Variants in NBN observed in about 807,000 individuals in gnomAD.
NBN encodes Nijmegen breakage syndrome 1 (nibrin).
NBN carries 88 observed loss-of-function variants against 90.8 expected under a neutral mutation model. That is an observed-to-expected ratio of 0.97 (90% CI 0.82 to 1.16). The LOEUF (loss-of-function observed/expected upper bound fraction) is 1.16, where lower values mean the gene tolerates loss of function less well. Ranked by LOEUF, NBN falls within the 50% of genes most tolerant of loss-of-function variation. The pLI is 0.00. For synonymous variants in NBN, 328 were observed against 295.1 expected (o/e 1.11, Z -1.14); for missense variants, 894 against 869.6 (o/e 1.03, Z -0.35).
chr8:89,974,901 T>C (rs1586094788), intron 5 of NBN, among the ~76,000 whole-genome samples: 1 of 152,122 alleles, frequency 6.6e-6, no homozygotes, highest in Non-Finnish European at 1.5e-5. Context: ...CTCTCAAGAG[T>C]GTCTCACTAA....
rs946173840 is a variant in NBN at position 89,954,950 on chromosome 8, T to A, written c.1397+333A>T. 7.9e-5 allele frequency among the ~76,000 whole-genome samples: 12 copies of A among 152,168 alleles called. No individual in the cohort carries two copies. The South Asian group carries it at 1.0e-3, about 13-fold the overall frequency. On this transcript the variant is annotated intron_variant, in intron 10 of 15. Coordinates refer to ENST00000265433, the MANE Select transcript of NBN (RefSeq NM_002485.5). ...ATATGGAAATTGAGAAAATAATTGA[T>A]GGAATATGGTCCTAGAGGGAGTGAG...
Position 89,937,047 on chromosome 8 carries a change from G to C in NBN, c.2213C>G (p.Ser738Cys). 1 of 1,612,312 alleles carries C rather than the reference G, an allele frequency of 6.2e-7. No homozygotes were observed. Among genetic ancestry groups the C allele is most frequent in the Non-Finnish European group, 8.5e-7 (1 of 1,178,984 alleles). The change falls in exon 15 of 16, where the codon TCT becomes TGT. Residue 738 changes from serine to cysteine, a missense_variant. By Grantham distance (112) the Ser-to-Cys change is moderately radical. Transcript: ENST00000265433. ...EVQNQHAKEE[S>C]LADDLFRYNP... The stretch of plus-strand genomic sequence containing the variant: ...TTACCTAAAAAGATCATCAGCAAGA[G>C]ACTCTTCTTTTGCATGTTGATTTTG...
chr8:89,948,559 A>T (rs1393144777), intron 11 of NBN, among the ~76,000 whole-genome samples: 1 of 151,464 alleles, frequency 6.6e-6, no homozygotes, highest in Non-Finnish European at 1.5e-5. Context: ...ATGGGTAATG[A>T]TTTCAGTAAA....
At chr8:89,965,637 G>A (rs1036819587) in intron 7 of NBN, among the ~76,000 whole-genome samples, 3 of 151,856 alleles carry the variant, frequency 2.0e-5, no homozygotes, top group Non-Finnish European at 2.9e-5. Flanking sequence ...CCACAGGCGC[G>A]CACCAACACA....
intron 3 of NBN, 82 bp downstream of exon 3, chr8:89,981,293 C>T: frequency 2.1e-6 from 3 of 1,421,662 alleles, no homozygotes; most frequent in Non-Finnish European, 2.0e-6. Flanking sequence ...GTTTTAAATT[C>T]ATTAATCAGA....
Position 89,982,805 on chromosome 8 carries a change from T to G in NBN, c.88A>C (p.Asn30His), listed in dbSNP as rs2129925520. ...TGVEYVVGRK[N>H]CAILIENDQS... ...TCATTTTCAATCAGAATGGCACAGTTTTTCCTTCCAACAACGTACTCAACG... is the reference window on the plus strand; with the variant it reads ...TCATTTTCAATCAGAATGGCACAGTGTTTCCTTCCAACAACGTACTCAACG... Residue 30 changes from asparagine to histidine, a missense_variant, in exon 2 of 16, where the codon AAC becomes CAC. By Grantham distance (68) the Asn-to-His change is moderately conservative. Coordinates refer to ENST00000265433, the MANE Select transcript of NBN (RefSeq NM_002485.5). The G allele has an allele frequency of 6.2e-7, 1 of 1,613,726 alleles. No individual in the cohort carries two copies. The highest frequency in any genetic ancestry group is 1.7e-5 in the Admixed American group (1 of 60,022).
At chr8:89,947,927 A>G in intron 11 of NBN, 35 bp from the exon 12 acceptor site, 5 of 1,284,182 alleles carry the variant, frequency 3.9e-6, no homozygotes, top group Non-Finnish European at 5.5e-6. Flanking sequence ...TGTTCATAGG[A>G]GTAATAAAAT....
At chr8:89,967,329 C>T (rs1586080994) in intron 7 of NBN, among the ~76,000 whole-genome samples, 1 of 152,164 alleles carries the variant, frequency 6.6e-6, no homozygotes, top group East Asian at 1.9e-4. Context: ...TGGCCACCCA[C>T]AACTGTAAAC....
chr8:89,974,615 A>G (rs951388958), intron 5 of NBN, among the ~76,000 whole-genome samples: 5 of 152,160 alleles, frequency 3.3e-5, no homozygotes, highest in Non-Finnish European at 7.4e-5. Context: ...CAAGTCCCAT[A>G]GGGAAGACGT....
chr8:89,964,732 G>A (rs759993070), intron 7 of NBN, among the ~76,000 whole-genome samples: 12 of 151,418 alleles, frequency 7.9e-5, no homozygotes, highest in Non-Finnish European at 1.8e-4. Flanking sequence ...GTAAAATAAG[G>A]GGCTAAAGAA....
chr8:89,958,196 C>T (rs1263877415), intron 9 of NBN, among the ~76,000 whole-genome samples: 2 of 152,166 alleles, frequency 1.3e-5, no homozygotes, highest in Admixed American at 6.5e-5. Flanking sequence ...GGAGCAGCTG[C>T]AAATAAAGAT....
At chr8:89,944,801 G>A (rs900010309) in intron 13 of NBN, among the ~76,000 whole-genome samples, 2 of 151,996 alleles carry the variant, frequency 1.3e-5, no homozygotes, top group Admixed American at 6.6e-5. Flanking sequence ...GGCTGGTCTC[G>A]AACTCCTGGG....
At chr8:89,960,548 A>G (rs1183869931) in intron 8 of NBN, among the ~76,000 whole-genome samples, 1 of 152,062 alleles carries the variant, frequency 6.6e-6, no homozygotes, top group Non-Finnish European at 1.5e-5. Flanking sequence ...GCTACTCAGG[A>G]GGGTGAGGCA....
intron 2 of NBN, 170 bp from the exon 3 acceptor site, chr8:89,981,693 A>G (rs1426373806): frequency 2.9e-6 from 2 of 691,650 alleles, no homozygotes; most frequent in Non-Finnish European, 4.7e-6. Context: ...CTAACAATTC[A>G]TATTTCCCCT....
chr8:89,971,357 G>A, intron 5 of NBN, 67 bp from the exon 6 acceptor site: 1 of 1,519,780 alleles, frequency 6.6e-7, no homozygotes, highest in Non-Finnish European at 8.9e-7. Flanking sequence ...TGTAAACGGA[G>A]TGACTATCTG....
Position 89,964,466 on chromosome 8 carries a change from G to A in NBN, c.938C>T (p.Ala313Val), listed in dbSNP as rs730881862. The A allele has an allele frequency of 1.7e-5, 27 of 1,611,886 alleles. No individual in the cohort carries two copies. The highest frequency in any genetic ancestry group is 8.3e-5 in the Admixed American group (5 of 59,988). Reference sequence around the variant, plus strand: ...ATTCTTTGTAGTCATGAAAATCACCGCCAATCCAATTTCTGCTTCAGGAAT... The same window carrying A: ...ATTCTTTGTAGTCATGAAAATCACCACCAATCCAATTTCTGCTTCAGGAAT... Reference protein sequence around the residue: ...RPIPEAEIGLAVIFMTTKNYC... With the variant: ...RPIPEAEIGLVVIFMTTKNYC... The change falls in exon 8 of 16, where the codon GCG becomes GTG. Residue 313 changes from alanine (A) to valine (V), a missense_variant. Physicochemically the swap from Ala to Val is moderately conservative, Grantham distance 64. Coordinates refer to ENST00000265433, the MANE Select transcript of NBN (RefSeq NM_002485.5).
chr8:89,984,160 T>C (rs778960116), intron 1 of NBN: 3 of 415,098 alleles, frequency 7.2e-6, no homozygotes, highest in Non-Finnish European at 1.3e-5. Flanking sequence ...GGTCCGCCCA[T>C]GCTAACTTCC....
intron 2 of NBN, among the ~76,000 whole-genome samples, chr8:89,982,247 T>C (rs1231108463): frequency 6.6e-6 from 1 of 152,116 alleles, no homozygotes; most frequent in East Asian, 1.9e-4. Flanking sequence ...TCAATTCCCA[T>C]TGCAAAAACT....
chr8:89,964,507 C>T lies in NBN; in HGVS notation c.897G>A (p.Arg299=), dbSNP rs779798363. Residue 299 remains arginine, a splice_region_variant and synonymous_variant, in exon 8 of 16, where the codon AGG becomes AGA. Coordinates refer to ENST00000265433, the MANE Select transcript of NBN (RefSeq NM_002485.5). ...WIQSIMDMLQ[R]QGLRPIPEAE... Reference sequence around the variant, plus strand: ...CTTCAGGAATAGGTCTAAGACCTTGCCTATTAGAATAAAATAGTTTAAGTA... The same window carrying T: ...CTTCAGGAATAGGTCTAAGACCTTGTCTATTAGAATAAAATAGTTTAAGTA... The T allele has an allele frequency of 2.5e-6, 4 of 1,582,840 alleles. No homozygotes were observed. The highest frequency in any genetic ancestry group is 2.2e-5 in the East Asian group (1 of 44,656).
Sources: allele counts gnomAD v4.1 joint callset (sites outside exome capture counted in the v4.1 genomes callset), GRCh38; gene constraint gnomAD v4.1.1; transcripts MANE v1.5; gene names NCBI Gene and HGNC (gene_info 2026-07-23, HGNC 2026-07-21).